Variants in NCOA3 observed in about 807,000 individuals in gnomAD.
The protein encoded by NCOA3 is nuclear receptor coactivator 3.
In NCOA3, 51 loss-of-function variants were observed where a neutral mutation model predicts 158.8. The observed-to-expected ratio is 0.32, with a 90% CI of 0.26 to 0.41. The LOEUF (loss-of-function observed/expected upper bound fraction) is 0.41, where lower values mean the gene tolerates loss of function less well. Ranked by LOEUF, NCOA3 falls within the 10% of genes least tolerant of loss-of-function variation. The probability of loss-of-function intolerance (pLI) is 1.00; values close to 1 mark genes in which losing one functional copy is unlikely to be tolerated. For missense variants in NCOA3, 1,510 were observed against 1,746.6 expected (o/e 0.86, Z 2.41); for synonymous variants, 537 against 592.4 (o/e 0.91, Z 1.36).
At chr20:47,530,744 C>T (rs532353513) in intron 1 of NCOA3, among the ~76,000 whole-genome samples, 5 of 152,238 alleles carry the variant, frequency 3.3e-5, no homozygotes, top group South Asian at 2.1e-4. Flanking sequence ...GGATTACAGG[C>T]GTGGGCCACT....
chr20:47,509,739 C>T (rs6066369), intron 1 of NCOA3, among the ~76,000 whole-genome samples: 1 of 151,906 alleles, frequency 6.6e-6, no homozygotes, highest in Non-Finnish European at 1.5e-5. Context: ...AAGACCCCCC[C>T]ATCTCTATTA....
chr20:47,569,775 C>G (rs1461164058), intron 1 of NCOA3, among the ~76,000 whole-genome samples: 1 of 151,992 alleles, frequency 6.6e-6, no homozygotes, highest in Non-Finnish European at 1.5e-5. Context: ...CTTTGGGAGG[C>G]CGAGGAGGGC....
Position 47,656,865 on chromosome 20 carries a change from A to G in NCOA3, c.*3448A>G, listed in dbSNP as rs1287462113. On this transcript the variant is annotated 3_prime_UTR_variant, in exon 23 of 23. Coordinates refer to ENST00000371998, the MANE Select transcript of NCOA3 (RefSeq NM_181659.3). ...GATGTCATTGTAAATAAAGGTTTCT[A>G]TTTAAAATTGGAGCCTAAAGAGTTT... 7.0e-6 allele frequency: 1 copy of G among 142,428 alleles called. No individual in the cohort carries two copies. The highest frequency in any genetic ancestry group is 1.5e-5 in the Non-Finnish European group (1 of 65,506). 8.8% of individuals were successfully genotyped at this position (142,428 alleles called of 1,614,324 possible).
At chr20:47,633,706 A>T in intron 9 of NCOA3, 70 bp downstream of exon 9, 1 of 1,518,096 alleles carries the variant, frequency 6.6e-7, no homozygotes, top group South Asian at 1.3e-5. Context: ...TATCTTGCCC[A>T]GGCTGGACTC....
chr20:47,567,598 T>G (rs2085218334), intron 1 of NCOA3, among the ~76,000 whole-genome samples: 1 of 151,788 alleles, frequency 6.6e-6, no homozygotes, highest in Non-Finnish European at 1.5e-5. Flanking sequence ...AGACTGAGTT[T>G]CATTGTTGTT....
chr20:47,602,569 T>C (rs562550576), intron 2 of NCOA3, among the ~76,000 whole-genome samples: 1 of 152,382 alleles, frequency 6.6e-6, no homozygotes, highest in East Asian at 1.9e-4. Context: ...TCACATTGAC[T>C]TGCTGCAAGG....
At chr20:47,538,216 A>C (rs1602367392) in intron 1 of NCOA3, among the ~76,000 whole-genome samples, 1 of 152,186 alleles carries the variant, frequency 6.6e-6, no homozygotes. Flanking sequence ...GGGGAAAAAA[A>C]CCCAAGATGA....
In NCOA3 at chr20:47,635,923, A is replaced by C; in HGVS notation, c.1537A>C (p.Thr513Pro). ...CTCTCCCATGGCATCTTCTGGCAAT[A>C]CTGGGAACCACAGCTTTTCCAGCAG... The part of the protein sequence containing the change: ...VHSPMASSGN[T>P]GNHSFSSSSL... Residue 513 changes from threonine (T) to proline (P), a missense_variant, in exon 12 of 23, where the codon ACT becomes CCT. Physicochemically the swap from Thr to Pro is conservative, Grantham distance 38. Coordinates refer to ENST00000371998, the MANE Select transcript of NCOA3 (RefSeq NM_181659.3). The C allele has an allele frequency of 6.2e-7, 1 of 1,613,934 alleles. No homozygotes were observed. The highest frequency in any genetic ancestry group is 1.1e-5 in the South Asian group (1 of 91,066).
Position 47,572,536 on chromosome 20 carries a change from C to A in NCOA3, c.-98-10647C>A, listed in dbSNP as rs72662708. On this transcript the variant is annotated intron_variant, in intron 1 of 22. Coordinates refer to ENST00000371998, the MANE Select transcript of NCOA3 (RefSeq NM_181659.3). The stretch of plus-strand genomic sequence containing the variant: ...TAAGCTTAATCATTTCTAGCCCCCC[C>A]CACCTGCCTTTTTTTTTTATGAGAC... Among the ~76,000 whole-genome samples, 5 of 151,752 alleles carry A rather than the reference C, an allele frequency of 3.3e-5. No homozygotes were observed. In the East Asian group the frequency reaches 7.7e-4, roughly 23 times the overall value.
intron 1 of NCOA3, among the ~76,000 whole-genome samples, chr20:47,563,391 G>A (rs2085138640): frequency 6.6e-6 from 1 of 152,138 alleles, no homozygotes; most frequent in African/African-American, 2.4e-5. Flanking sequence ...TATGATGGGG[G>A]GAGGAGATGC....
At chr20:47,644,886 C>T (rs950610096) in intron 17 of NCOA3, among the ~76,000 whole-genome samples, 3 of 151,834 alleles carry the variant, frequency 2.0e-5, no homozygotes, top group Non-Finnish European at 4.4e-5. Flanking sequence ...TTAGTAAAGA[C>T]GGGGTTTCAC....
At chr20:47,567,012 C>CTATGTACGTATGTATG (rs904150545) in intron 1 of NCOA3, among the ~76,000 whole-genome samples, 2 of 145,346 alleles carry the variant, frequency 1.4e-5, no homozygotes, top group African/African-American at 5.1e-5. Flanking sequence ...TGGTATAGTA[C>CTATGTACGTATGTATG]TATGTATGTA....
At chr20:47,524,671 C>T (rs1045735612) in intron 1 of NCOA3, among the ~76,000 whole-genome samples, 2 of 152,136 alleles carry the variant, frequency 1.3e-5, no homozygotes, top group Non-Finnish European at 2.9e-5. Flanking sequence ...GGAGGGGGCT[C>T]CAAAGCCAAA....
chr20:47,504,107 A>G (rs940718520), intron 1 of NCOA3, among the ~76,000 whole-genome samples: 1 of 152,198 alleles, frequency 6.6e-6, no homozygotes, highest in African/African-American at 2.4e-5. Context: ...AGCGAGATTT[A>G]TATTTTTATA....
intron 20 of NCOA3, among the ~76,000 whole-genome samples, chr20:47,651,823 C>G (rs901708021): frequency 1.3e-5 from 2 of 151,570 alleles, no homozygotes; most frequent in African/African-American, 2.4e-5. Flanking sequence ...CCACCACCCC[C>G]GGCTGTTTTT....
chr20:47,525,727 T>C (rs1209007637), intron 1 of NCOA3, among the ~76,000 whole-genome samples: 1 of 82,998 alleles, frequency 1.2e-5, no homozygotes, highest in African/African-American at 5.8e-5. Flanking sequence ...CCCCCCCACC[T>C]CCATCCCGGA....
chr20:47,524,378 G>T (rs1396484394), intron 1 of NCOA3, among the ~76,000 whole-genome samples: 2 of 152,224 alleles, frequency 1.3e-5, no homozygotes, highest in African/African-American at 4.8e-5. Context: ...CGACAGGGTA[G>T]CTGGAAGAGA....
intron 1 of NCOA3, among the ~76,000 whole-genome samples, chr20:47,527,959 T>TAA (rs1474375345): frequency 0.017 from 2,557 of 152,280 alleles, 74 homozygotes; most frequent in African/African-American, 0.059. Flanking sequence ...GTTGCTTTTC[T>TAA]GTTACTGAAT....
intron 1 of NCOA3, among the ~76,000 whole-genome samples, chr20:47,502,424 C>T (rs991255587): frequency 1.2e-4 from 19 of 152,298 alleles, no homozygotes; most frequent in African/African-American, 4.6e-4. Context: ...TGCCCCGGCT[C>T]CTTAGCAGCT....
Sources: allele counts gnomAD v4.1 joint callset (sites outside exome capture counted in the v4.1 genomes callset), GRCh38; gene constraint gnomAD v4.1.1; transcripts MANE v1.5; gene names NCBI Gene and HGNC (gene_info 2026-07-23, HGNC 2026-07-21).